Variants in RANBP2 observed in about 807,000 individuals in gnomAD.
The protein encoded by RANBP2 is E3 SUMO-protein ligase RanBP2.
RANBP2 carries 57 observed loss-of-function variants against 303.6 expected under a neutral mutation model. The ratio of observed to expected loss-of-function variants is 0.19; its 90% CI spans 0.15 to 0.23. RANBP2 has a LOEUF of 0.23. Ranked by LOEUF, RANBP2 falls within the 10% of genes least tolerant of loss-of-function variation. RANBP2 has a pLI of 1.00. For missense variants in RANBP2, 3,138 were observed against 3,780.8 expected, an observed-to-expected ratio of 0.83 and a Z score of 4.46; for synonymous variants, 1,167 against 1,301.5, an observed-to-expected ratio of 0.90 and a Z score of 2.23.
intron 7 of RANBP2, among the ~76,000 whole-genome samples, chr2:108,744,966 A>T: frequency 6.6e-6 from 1 of 152,080 alleles, no homozygotes; most frequent in South Asian, 2.1e-4. Flanking sequence ...TATTTCCATT[A>T]ACTGTATCTT....
chr2:109,131,657 C>A, the RANBP2 span, among the ~76,000 whole-genome samples: 1 of 152,122 alleles, frequency 6.6e-6, no homozygotes, highest in African/African-American at 2.4e-5. Context: ...GATGCCACTC[C>A]GGGAATTCTG....
At chr2:109,348,469 A>G in the RANBP2 span, among the ~76,000 whole-genome samples, 1 of 152,232 alleles carries the variant, frequency 6.6e-6, no homozygotes, top group Non-Finnish European at 1.5e-5. Context: ...ATCCCTGTGA[A>G]GCAAACATTT....
chr2:108,868,899 GTGAAAGAAAAAAA>G, the RANBP2 span, among the ~76,000 whole-genome samples: 1 of 151,710 alleles, frequency 6.6e-6, no homozygotes, highest in Admixed American at 6.6e-5. Context: ...CCTACCTTTT[GTGAAAGAAAAAAA>G]TGAAATTTTT....
At chr2:108,930,860 G>T in the RANBP2 span, 1 of 1,253,782 alleles carries the variant, frequency 8.0e-7, no homozygotes, top group Non-Finnish European at 1.2e-6. Context: ...TGTGGAGGAG[G>T]GACTATGATC....
the RANBP2 span, among the ~76,000 whole-genome samples, chr2:109,226,729 C>A: frequency 2.2e-4 from 33 of 152,182 alleles, no homozygotes; most frequent in African/African-American, 7.5e-4. Flanking sequence ...ACGCAGAAGG[C>A]GTGGTGCTGG....
the RANBP2 span, among the ~76,000 whole-genome samples, chr2:109,317,305 CA>C: frequency 6.6e-6 from 1 of 152,278 alleles, no homozygotes; most frequent in Non-Finnish European, 1.5e-5. Flanking sequence ...AGGGCGACAG[CA>C]ATGCCTGTCC....
At chr2:108,749,644 TG>T (rs1440417313) in intron 9 of RANBP2, among the ~76,000 whole-genome samples, 1 of 151,980 alleles carries the variant, frequency 6.6e-6, no homozygotes, top group Non-Finnish European at 1.5e-5. Context: ...TGGGCTGGAG[TG>T]TAGTGGCATG....
chr2:109,239,345 A>G, the RANBP2 span, among the ~76,000 whole-genome samples: 4 of 152,210 alleles, frequency 2.6e-5, no homozygotes, highest in Non-Finnish European at 5.9e-5. Context: ...TTAAGATTCA[A>G]TGGGTCATTT....
At chr2:109,614,197 G>A in the RANBP2 span, 42 of 1,111,832 alleles carry the variant, frequency 3.8e-5, no homozygotes, top group Non-Finnish European at 4.3e-5. Flanking sequence ...CCCTCGCGAG[G>A]CCGGAAGTGG....
the RANBP2 span, among the ~76,000 whole-genome samples, chr2:109,280,993 G>T: frequency 6.6e-6 from 1 of 152,212 alleles, no homozygotes; most frequent in Non-Finnish European, 1.5e-5. Context: ...ACACAGATCT[G>T]CAGACCTTAA....
At chr2:109,646,121 AC>A in the RANBP2 span, among the ~76,000 whole-genome samples, 1 of 152,004 alleles carries the variant, frequency 6.6e-6, no homozygotes, top group Non-Finnish European at 1.5e-5. Context: ...CCATGCTCTC[AC>A]CCTAGGCTAT....
the RANBP2 span, among the ~76,000 whole-genome samples, chr2:109,489,943 G>A: frequency 6.6e-6 from 1 of 152,140 alleles, no homozygotes; most frequent in South Asian, 2.1e-4. Context: ...TCACCATGTT[G>A]GCCAGGCTGG....
At chr2:109,440,192 A>G in the RANBP2 span, among the ~76,000 whole-genome samples, 1 of 150,934 alleles carries the variant, frequency 6.6e-6, no homozygotes. Flanking sequence ...TGTGTAGATG[A>G]CAGTTCCCTG....
chr2:109,585,979 A>T, the RANBP2 span: 1 of 615,462 alleles, frequency 1.6e-6, no homozygotes, highest in Non-Finnish European at 2.8e-6. Flanking sequence ...GATACAAGCG[A>T]TTAAGTAAAT....
At chr2:108,759,023 T>C (rs1676530792) in intron 18 of RANBP2, among the ~76,000 whole-genome samples, 1 of 149,402 alleles carries the variant, frequency 6.7e-6, no homozygotes, top group African/African-American at 2.5e-5. Context: ...TTCTGCTCTA[T>C]CACTTACTAT....
chr2:109,613,045 AGG>A, the RANBP2 span: 14 of 541,406 alleles, frequency 2.6e-5, no homozygotes, highest in Non-Finnish European at 9.8e-6. Context: ...AAAAATTAAA[AGG>A]GAGAATTTGT....
chr2:109,204,254 T>A, the RANBP2 span, among the ~76,000 whole-genome samples: 14 of 152,238 alleles, frequency 9.2e-5, no homozygotes, highest in African/African-American at 3.4e-4. Context: ...CTTACTTTGC[T>A]TATGCCCTGT....
chr2:109,337,950 TG>T, the RANBP2 span, among the ~76,000 whole-genome samples: 1 of 152,134 alleles, frequency 6.6e-6, no homozygotes, highest in African/African-American at 2.4e-5. Context: ...CCGGCTGGTC[TG>T]GAACTCCTGA....
the RANBP2 span, among the ~76,000 whole-genome samples, chr2:109,142,051 G>T: frequency 3.3e-5 from 5 of 151,538 alleles, no homozygotes; most frequent in Non-Finnish European, 5.9e-5. Context: ...CCTGGGGGGG[G>T]GGTCTCAGGT....
Sources: allele counts gnomAD v4.1 joint callset (sites outside exome capture counted in the v4.1 genomes callset), GRCh38; gene constraint gnomAD v4.1.1; transcripts MANE v1.5; gene names NCBI Gene and HGNC (gene_info 2026-07-23, HGNC 2026-07-21).